FBXO30: variants seen among roughly 807,000 people sequenced by gnomAD.
The protein encoded by FBXO30 is F-box only protein 30.
A neutral mutation model predicts 58.1 loss-of-function variants in FBXO30; 21 were observed. The observed-to-expected ratio is 0.36, with a 90% confidence interval of 0.26 to 0.52. FBXO30 has a LOEUF of 0.52. FBXO30 is among the 20% of genes least tolerant of loss of function. FBXO30 has a pLI of 0.93. For synonymous variants in FBXO30, 309 were observed against 312.4 expected (o/e 0.99, Z 0.11); for missense variants, 744 against 897.3 (o/e 0.83, Z 2.18).
At position 145,800,165 on chromosome 6, in the gene FBXO30, TCA is replaced by T. The variant is rs1235709937; in HGVS notation, c.2177_2178del (p.Val726AspfsTer6). 6.2e-7 allele frequency: 1 copy of T among 1,613,002 alleles called. No individual in the cohort carries two copies. The highest frequency in any genetic ancestry group is 8.5e-7 in the Non-Finnish European group (1 of 1,179,342). ...EEAIPLPCMC[V>X]TRELTKEGRS... is the part of the protein sequence containing the mutation. ...CGTCCTTCTTTAGTGAGTTCTCGTGTCACACACATACATGGCAAAGGGATTGC... is the reference window on the plus strand; with the variant it reads ...CGTCCTTCTTTAGTGAGTTCTCGTGTCACACATACATGGCAAAGGGATTGC... On this transcript the variant is annotated frameshift_variant, in exon 3 of 3. Coordinates refer to ENST00000237281, the MANE Select transcript of FBXO30 (RefSeq NM_032145.5). LOFTEE classifies it high-confidence loss of function.
chr6:145,806,342 G>T lies in FBXO30; in HGVS notation c.64C>A (p.Pro22Thr), dbSNP rs781233547. The change falls in exon 2 of 3, where the codon CCA becomes ACA. Residue 22 changes from proline (P) to threonine (T), a missense_variant. Physicochemically the swap from Pro to Thr is conservative, Grantham distance 38. Transcript: ENST00000237281. ...NCVSRRCMTR[P>T]EPGISCDLIG... Reference sequence around the variant, plus strand: ...AAATCACAGGAAATCCCTGGCTCTGGCCTGGTCATGCACCGTCTACTGACA... The same window carrying T: ...AAATCACAGGAAATCCCTGGCTCTGTCCTGGTCATGCACCGTCTACTGACA... The T allele has an allele frequency of 6.2e-7, 1 of 1,613,902 alleles. No homozygotes were observed. Among genetic ancestry groups the T allele is most frequent in the South Asian group, 1.1e-5 (1 of 91,082 alleles).
intron 2 of FBXO30, among the ~76,000 whole-genome samples, chr6:145,802,400 G>A (rs7739735): frequency 0.46 from 70,587 of 151,996 alleles, 16,939 homozygotes; most frequent in African/African-American, 0.57. Flanking sequence ...CAAGCAAAGT[G>A]CTAATGCACA....
intron 1 of FBXO30, 135 bp downstream of exon 1, chr6:145,814,468 C>A (rs893817067): frequency 1.5e-4 from 23 of 151,992 alleles, no homozygotes; most frequent in African/African-American, 5.6e-4. Context: ...TGCTCCAGGC[C>A]GGGCCCGTCA....
chr6:145,800,040 A>G lies in FBXO30; in HGVS notation c.*66T>C. On this transcript the variant is annotated 3_prime_UTR_variant, in exon 3 of 3. Transcript: ENST00000237281. ...GTTGTAATATTTAATACATTAATAAAGTTTCACATATTACAAAGAAATTAT... is the reference window on the plus strand; with the variant it reads ...GTTGTAATATTTAATACATTAATAAGGTTTCACATATTACAAAGAAATTAT... The G allele has an allele frequency of 8.6e-7, 1 of 1,165,810 alleles. No individual in the cohort carries two copies. The highest frequency in any genetic ancestry group is 1.3e-6 in the Non-Finnish European group (1 of 797,108). 72.2% of individuals were successfully genotyped at this position (1,165,810 alleles called of 1,614,324 possible). A position where few individuals can be genotyped will look rare whatever the true frequency, so the allele number is the denominator to read the frequency against.
rs1417650165 is a variant in FBXO30 at position 145,794,142 on chromosome 6, CAT to C, written c.*5962_*5963del. On this transcript the variant is annotated 3_prime_UTR_variant, in exon 3 of 3. Transcript: ENST00000237281. ...CAGTCACTCCCATTCCCCCAGCAAC[CAT>C]GAATCTGATTTATCTCTATGAATTT... is the stretch of plus-strand genomic sequence containing the variant. 6.6e-6 allele frequency: 1 copy of C among 151,948 alleles called. No individual in the cohort carries two copies. The highest frequency in any genetic ancestry group is 1.5e-5 in the Non-Finnish European group (1 of 67,880). 9.4% of individuals were successfully genotyped at this position (151,948 alleles called of 1,614,324 possible). A position where few individuals can be genotyped will look rare whatever the true frequency, so the allele number is the denominator to read the frequency against.
At chr6:145,809,747 C>T (rs1036090077) in intron 1 of FBXO30, 1 of 152,266 alleles carries the variant, frequency 6.6e-6, no homozygotes, top group Admixed American at 6.5e-5. Flanking sequence ...CTATTTTATC[C>T]TTCTTTACAC....
intron 1 of FBXO30, among the ~76,000 whole-genome samples, chr6:145,813,044 A>C (rs553846104): frequency 6.6e-6 from 1 of 152,304 alleles, no homozygotes; most frequent in Non-Finnish European, 1.5e-5. Flanking sequence ...TAAAATATTC[A>C]CATCTTAGAA....
chr6:145,813,157 TGATATATTAGGACACTTTTTAGAA>T (rs1778380611), intron 1 of FBXO30, among the ~76,000 whole-genome samples: 1 of 152,166 alleles, frequency 6.6e-6, no homozygotes, highest in African/African-American at 2.4e-5. Flanking sequence ...TGCTTTTTAA[TGATATATTAGGACACTTTTTAGAA>T]GAAGTCTCCC....
Position 145,802,657 on chromosome 6 carries a change from G to A in FBXO30, c.2034+1715C>T, listed in dbSNP as rs956230810. Among the ~76,000 whole-genome samples the A allele has an allele frequency of 2.0e-5, 3 of 152,128 alleles. No homozygotes were observed. The East Asian group carries it at 5.8e-4, about 29-fold the overall frequency. The stretch of plus-strand genomic sequence containing the variant: ...AGTTTTTAAGCACTGTGGTGACAGT[G>A]TAAGAATTGTATTTAAGAAAATATG... On this transcript the variant is annotated intron_variant, in intron 2 of 2. Transcript: ENST00000237281.
chr6:145,795,860 T>C lies in FBXO30; in HGVS notation c.*4246A>G, dbSNP rs1176659758. 2.6e-5 allele frequency: 4 copies of C among 151,908 alleles called. No homozygotes were observed. Among genetic ancestry groups the C allele is most frequent in the Non-Finnish European group, 5.9e-5 (4 of 67,836 alleles). The allele number at this position is 151,908 out of a possible 1,614,324, so 9.4% of individuals were successfully genotyped here. On this transcript the variant is annotated 3_prime_UTR_variant, in exon 3 of 3. Coordinates refer to ENST00000237281, the MANE Select transcript of FBXO30 (RefSeq NM_032145.5). ...CAATTTATTTAAAAAAGTTTAATCATAGATGCAATAACCTACTTGTAAAAT... is the reference window on the plus strand; with the variant it reads ...CAATTTATTTAAAAAAGTTTAATCACAGATGCAATAACCTACTTGTAAAAT...
Position 145,805,967 on chromosome 6 carries a change from C to T in FBXO30, c.439G>A (p.Asp147Asn). 1 of 1,614,028 alleles carries T rather than the reference C, an allele frequency of 6.2e-7. No homozygotes were observed. The highest frequency in any genetic ancestry group is 1.1e-5 in the South Asian group (1 of 91,080). Residue 147 changes from aspartate to asparagine, a missense_variant, in exon 2 of 3, where the codon GAT becomes AAT. By Grantham distance (23) the Asp-to-Asn change is conservative. Coordinates refer to ENST00000237281, the MANE Select transcript of FBXO30 (RefSeq NM_032145.5). ...TGTTCTCTAGGTTTGGATACTTTAT[C>T]AGTTGCTTTTGACATCATGGTGGCT... is the stretch of plus-strand genomic sequence containing the variant. Reference protein sequence around the residue: ...KVATMMSKATDKVSKPREQIS... With the variant: ...KVATMMSKATNKVSKPREQIS...
Position 145,804,466 on chromosome 6 carries a change from C to T in FBXO30, c.1940G>A (p.Cys647Tyr). 6.2e-7 allele frequency: 1 copy of T among 1,613,760 alleles called. No homozygotes were observed. Among genetic ancestry groups the T allele is most frequent in the Non-Finnish European group, 8.5e-7 (1 of 1,179,804 alleles). ...SCVSKLMRDV[C>Y]GSLLQSRGMV... ...GCCACGAGACTGAAGCAGGCTGCCACACACATCCCTCATTAACTTGGATAC... is the reference window on the plus strand; with the variant it reads ...GCCACGAGACTGAAGCAGGCTGCCATACACATCCCTCATTAACTTGGATAC... The change falls in exon 2 of 3, where the codon TGT becomes TAT. Residue 647 changes from cysteine to tyrosine, a missense_variant. Coordinates refer to ENST00000237281, the MANE Select transcript of FBXO30 (RefSeq NM_032145.5).
intron 2 of FBXO30, among the ~76,000 whole-genome samples, chr6:145,802,777 GACA>G (rs1485884103): frequency 2.6e-5 from 4 of 152,192 alleles, no homozygotes; most frequent in Non-Finnish European, 4.4e-5. Context: ...TAGTCCAGGA[GACA>G]ACTACAGTTG....
intron 1 of FBXO30, among the ~76,000 whole-genome samples, chr6:145,812,773 T>C (rs1169454971): frequency 6.6e-6 from 1 of 152,208 alleles, no homozygotes; most frequent in Non-Finnish European, 1.5e-5. Flanking sequence ...GGGTTTTAAC[T>C]GATCCGCTTG....
At position 145,806,202 on chromosome 6, in the gene FBXO30, T is replaced by C. The variant is rs757737905; in HGVS notation, c.204A>G (p.Pro68=). The C allele has an allele frequency of 6.2e-7, 1 of 1,614,118 alleles. No homozygotes were observed. The highest frequency in any genetic ancestry group is 8.5e-7 in the Non-Finnish European group (1 of 1,179,998). ...VPCLNSDFGC[P]FTMARNKVAE... Reference sequence around the variant, plus strand: ...CAACTTTATTTCGGGCCATGGTAAATGGACATCCAAAGTCACTATTTAAGC... The same window carrying C: ...CAACTTTATTTCGGGCCATGGTAAACGGACATCCAAAGTCACTATTTAAGC... Residue 68 remains proline, a synonymous_variant, in exon 2 of 3, where the codon CCA becomes CCG. Transcript: ENST00000237281.
Position 145,804,641 on chromosome 6 carries a change from C to A in FBXO30, c.1765G>T (p.Val589Phe), listed in dbSNP as rs767666545. ...AATACTGTAGATACACATGGCTGAA[C>A]TCCAAATGACCTCAAATGGCGGTCA... ...IHDRHLRSFG[V>F]QPCVSTVLVE... Residue 589 changes from valine to phenylalanine, a missense_variant, in exon 2 of 3, where the codon GTT becomes TTT. Val to Phe is a conservative substitution (Grantham distance 50). Transcript: ENST00000237281. 1.2e-6 allele frequency: 2 copies of A among 1,613,748 alleles called. No individual in the cohort carries two copies. The highest frequency in any genetic ancestry group is 2.7e-5 in the African/African-American group (2 of 74,892).
At chr6:145,801,470 C>A (rs1777996521) in intron 2 of FBXO30, among the ~76,000 whole-genome samples, 3 of 151,714 alleles carry the variant, frequency 2.0e-5, no homozygotes, top group Non-Finnish European at 4.4e-5. Flanking sequence ...TTATGTGTGG[C>A]CCAAGACAAT....
Position 145,794,234 on chromosome 6 carries a change from T to C in FBXO30, c.*5872A>G, listed in dbSNP as rs1777826811. Reference sequence around the variant, plus strand: ...ATGTAGCCTTTTGTGTCTAGCTTCATTCACTTAGGTTTTTTATCCTCCAAA... The same window carrying C: ...ATGTAGCCTTTTGTGTCTAGCTTCACTCACTTAGGTTTTTTATCCTCCAAA... On this transcript the variant is annotated 3_prime_UTR_variant, in exon 3 of 3. Coordinates refer to ENST00000237281, the MANE Select transcript of FBXO30 (RefSeq NM_032145.5). 6.6e-6 allele frequency: 1 copy of C among 151,994 alleles called. No individual in the cohort carries two copies. Among genetic ancestry groups the C allele is most frequent in the South Asian group, 2.1e-4 (1 of 4,838 alleles). 9.4% of individuals were successfully genotyped at this position (151,994 alleles called of 1,614,324 possible).
chr6:145,804,024 CCATT>C (rs1778086446), intron 2 of FBXO30, among the ~76,000 whole-genome samples: 1 of 152,116 alleles, frequency 6.6e-6, no homozygotes, highest in Non-Finnish European at 1.5e-5. Context: ...CTTGCTTCCT[CCATT>C]ATCTTATGGT....
Sources: allele counts gnomAD v4.1 joint callset (sites outside exome capture counted in the v4.1 genomes callset), GRCh38; gene constraint gnomAD v4.1.1; transcripts MANE v1.5; gene names NCBI Gene and HGNC (gene_info 2026-07-23, HGNC 2026-07-21).